The following FBXO10 variants were observed in gnomAD, a reference collection of about 807,000 sequenced individuals.
The protein encoded by FBXO10 is F-box protein 10, also known as F-box only protein 10.
A neutral mutation model predicts 80.7 loss-of-function variants in FBXO10; 39 were observed. The ratio of observed to expected loss-of-function variants is 0.48; its 90% CI spans 0.37 to 0.63. The LOEUF (loss-of-function observed/expected upper bound fraction) is 0.63. FBXO10 is among the 30% of genes least tolerant of loss of function. The pLI, the probability that FBXO10 is intolerant of heterozygous loss-of-function variation, is 0.00. For synonymous variants in FBXO10, 449 were observed against 489.6 expected, an observed-to-expected ratio of 0.92 and a Z score of 1.09; for missense variants, 1,025 against 1,269.0, an observed-to-expected ratio of 0.81 and a Z score of 2.92.
chr9:37,571,478 A>G (rs895610866), intron 1 of FBXO10, among the ~76,000 whole-genome samples: 1 of 151,902 alleles, frequency 6.6e-6, no homozygotes, highest in African/African-American at 2.4e-5. Context: ...TGGTTAGCAC[A>G]CCTGTCACTG....
intron 1 of FBXO10, among the ~76,000 whole-genome samples, chr9:37,560,742 A>T (rs1016682627): frequency 2.0e-5 from 3 of 152,060 alleles, no homozygotes; most frequent in Non-Finnish European, 2.9e-5. Flanking sequence ...GTGCACCTGG[A>T]GTGTGATGCC....
At chr9:37,512,797 CTT>C in intron 10 of FBXO10, 76 bp from the exon 11 acceptor site, 2 of 1,474,996 alleles carry the variant, frequency 1.4e-6, no homozygotes, top group Non-Finnish European at 1.8e-6. Context: ...ACAGTCTTAA[CTT>C]GGGTTCCAGA....
intron 1 of FBXO10, among the ~76,000 whole-genome samples, chr9:37,544,300 G>C (rs531141175): frequency 2.0e-5 from 3 of 152,118 alleles, no homozygotes; most frequent in Non-Finnish European, 2.9e-5. Context: ...AGGTGTGGTG[G>C]TGGGCACCTG....
intron 5 of FBXO10, among the ~76,000 whole-genome samples, chr9:37,525,870 T>G (rs1351839085): frequency 6.6e-6 from 1 of 152,100 alleles, no homozygotes; most frequent in African/African-American, 2.4e-5. Flanking sequence ...CTCAAATGTT[T>G]GAACCAGAAA....
intron 1 of FBXO10, among the ~76,000 whole-genome samples, chr9:37,563,120 T>A (rs943133598): frequency 1.3e-5 from 2 of 152,104 alleles, no homozygotes; most frequent in African/African-American, 4.8e-5. Flanking sequence ...GATCTGATGG[T>A]TTTATAAGCC....
rs1376442074 is a variant in FBXO10 at position 37,539,297 on chromosome 9, C to A, written c.586-1354G>T. On this transcript the variant is annotated intron_variant, in intron 2 of 10. Transcript: ENST00000432825. ...TAAAAAAGCCAGCTCTCTGGAGATGCAGAGCCACTGCTAAGGTTCTCCTTA... is the reference window on the plus strand; with the variant it reads ...TAAAAAAGCCAGCTCTCTGGAGATGAAGAGCCACTGCTAAGGTTCTCCTTA... Among the ~76,000 whole-genome samples the A allele has an allele frequency of 2.0e-5, 3 of 152,218 alleles. No homozygotes were observed. The East Asian group carries it at 5.8e-4, about 29-fold the overall frequency.
intron 6 of FBXO10, 130 bp downstream of exon 6, chr9:37,524,969 GCTC>G (rs1313159132): frequency 1.3e-6 from 1 of 749,998 alleles, no homozygotes; most frequent in Non-Finnish European, 2.1e-6. Flanking sequence ...GCGTCCCTGA[GCTC>G]CAGCCCACCA....
chr9:37,512,442 T>G lies in FBXO10; in HGVS notation c.*105A>C. 43 of 1,294,172 alleles carry G rather than the reference T, an allele frequency of 3.3e-5. No individual in the cohort carries two copies. Among genetic ancestry groups the G allele is most frequent in the Admixed American group, 4.2e-5 (2 of 47,480 alleles). 80.2% of individuals were successfully genotyped at this position (1,294,172 alleles called of 1,614,324 possible). On this transcript the variant is annotated 3_prime_UTR_variant, in exon 11 of 11. Coordinates refer to ENST00000432825, the MANE Select transcript of FBXO10 (RefSeq NM_012166.3). ...CCGTGTTTTGGAGGCCCGGGACCCATTTGTTCGAGGGGGAGGGGGAGGGGC... is the reference window on the plus strand; with the variant it reads ...CCGTGTTTTGGAGGCCCGGGACCCAGTTGTTCGAGGGGGAGGGGGAGGGGC...
At chr9:37,535,345 CT>C (rs200212336) in intron 3 of FBXO10, among the ~76,000 whole-genome samples, 1 of 147,864 alleles carries the variant, frequency 6.8e-6, no homozygotes, top group Admixed American at 6.6e-5. Context: ...GGTGACACTT[CT>C]TTTTTTTTAT....
chr9:37,533,247 A>C (rs993123294), intron 3 of FBXO10, among the ~76,000 whole-genome samples: 4 of 152,354 alleles, frequency 2.6e-5, no homozygotes, highest in Non-Finnish European at 5.9e-5. Context: ...AATAATAAAT[A>C]ATAAAATTGA....
chr9:37,573,714 A>G (rs1224418660), intron 1 of FBXO10, among the ~76,000 whole-genome samples: 1 of 152,232 alleles, frequency 6.6e-6, no homozygotes, highest in African/African-American at 2.4e-5. Flanking sequence ...TTAGAAAAAA[A>G]TAAGGAAAGA....
chr9:37,564,323 C>T (rs1172192955), intron 1 of FBXO10, among the ~76,000 whole-genome samples: 1 of 152,112 alleles, frequency 6.6e-6, no homozygotes, highest in African/African-American at 2.4e-5. Flanking sequence ...ATGGAGAACA[C>T]CTGCTTGGGC....
At chr9:37,553,674 G>C (rs1822263931) in intron 1 of FBXO10, among the ~76,000 whole-genome samples, 1 of 151,570 alleles carries the variant, frequency 6.6e-6, no homozygotes, top group Non-Finnish European at 1.5e-5. Context: ...GGGAGGCCGA[G>C]GCGGGCAGAT....
intron 1 of FBXO10, among the ~76,000 whole-genome samples, chr9:37,574,563 C>T (rs2042343769): frequency 6.6e-6 from 1 of 152,038 alleles, no homozygotes; most frequent in Admixed American, 6.5e-5. Flanking sequence ...TCTTAAAAGC[C>T]CTGATAAAGC....
intron 1 of FBXO10, among the ~76,000 whole-genome samples, chr9:37,554,547 A>C (rs1822288943): frequency 6.6e-6 from 1 of 151,884 alleles, no homozygotes; most frequent in East Asian, 1.9e-4. Context: ...TTCTCTCATG[A>C]CTCTTCCATC....
chr9:37,515,818 G>T, intron 10 of FBXO10, 86 bp downstream of exon 10: 1 of 1,422,396 alleles, frequency 7.0e-7, no homozygotes, highest in Non-Finnish European at 9.6e-7. Context: ...AGCCCGGGCA[G>T]CCACAATCCC....
intron 1 of FBXO10, among the ~76,000 whole-genome samples, chr9:37,558,837 T>C (rs1254370615): frequency 5.3e-5 from 8 of 149,968 alleles, no homozygotes; most frequent in Non-Finnish European, 1.5e-5. Flanking sequence ...TGAGATGGAG[T>C]TTCGCTCTTG....
At chr9:37,559,326 A>C (rs1822418885) in intron 1 of FBXO10, among the ~76,000 whole-genome samples, 1 of 152,192 alleles carries the variant, frequency 6.6e-6, no homozygotes, top group South Asian at 2.1e-4. Flanking sequence ...ACTTTGATGC[A>C]GCATCCTTCT....
At chr9:37,559,098 C>T (rs971809276) in intron 1 of FBXO10, among the ~76,000 whole-genome samples, 1 of 152,180 alleles carries the variant, frequency 6.6e-6, no homozygotes, top group Non-Finnish European at 1.5e-5. Context: ...CATGAGCCAC[C>T]GCGCCTGGCC....
Sources: allele counts gnomAD v4.1 joint callset (sites outside exome capture counted in the v4.1 genomes callset), GRCh38; gene constraint gnomAD v4.1.1; transcripts MANE v1.5; gene names NCBI Gene and HGNC (gene_info 2026-07-23, HGNC 2026-07-21).